CHEK2: variants seen among roughly 807,000 people sequenced by gnomAD.
The protein encoded by CHEK2 is checkpoint kinase 2.
A neutral mutation model predicts 69.1 loss-of-function variants in CHEK2; 71 were observed. The ratio of observed to expected loss-of-function variants is 1.03; its 90% CI spans 0.85 to 1.25. CHEK2 has a LOEUF of 1.25. CHEK2 is among the 50% of genes most tolerant of loss of function. CHEK2 has a pLI of 0.00. For missense variants in CHEK2, 664 were observed against 649.6 expected (o/e 1.02, Z -0.24); for synonymous variants, 189 against 226.9 (o/e 0.83, Z 1.50).
rs748262921 is a variant in CHEK2 at position 28,725,100 on chromosome 22, T to C, written c.469A>G (p.Ile157Val). 2.5e-6 allele frequency: 4 copies of C among 1,614,178 alleles called. No individual in the cohort carries two copies. The highest frequency in any genetic ancestry group is 2.2e-5 in the South Asian group (2 of 91,088). ...FREVGPKNSY[I>V]AYIEDHSGNG... Reference sequence around the variant, plus strand: ...CCACTGTGATCTTCTATGTATGCAATGTAAGAGTTTTTAGGACCCACTTCC... The same window carrying C: ...CCACTGTGATCTTCTATGTATGCAACGTAAGAGTTTTTAGGACCCACTTCC... Residue 157 changes from isoleucine to valine, a missense_variant, in exon 4 of 15, where the codon ATT becomes GTT. Transcript: ENST00000404276.
chr22:28,702,597 A>C (rs2052929400), intron 8 of CHEK2, among the ~76,000 whole-genome samples: 1 of 134,292 alleles, frequency 7.4e-6, no homozygotes, highest in Non-Finnish European at 1.5e-5. Context: ...CCCAGGCTGG[A>C]GTACAGTGGC....
At chr22:28,698,843 C>A (rs2052700365) in intron 9 of CHEK2, among the ~76,000 whole-genome samples, 1 of 152,100 alleles carries the variant, frequency 6.6e-6, no homozygotes, top group Non-Finnish European at 1.5e-5. Context: ...GGGGACCAAC[C>A]CATCTGTCAC....
intron 5 of CHEK2, among the ~76,000 whole-genome samples, chr22:28,718,883 AAC>A (rs144577000): frequency 0.19 from 26,381 of 140,284 alleles, 2,638 homozygotes; most frequent in African/African-American, 0.28. Context: ...CTCTGACACT[AAC>A]ACACACACAC....
At chr22:28,705,940 T>C (rs2053116175) in intron 7 of CHEK2, among the ~76,000 whole-genome samples, 1 of 125,112 alleles carries the variant, frequency 8.0e-6, no homozygotes, top group Non-Finnish European at 1.7e-5. Flanking sequence ...TGAAACTCCG[T>C]CTCAAAAAAC....
intron 5 of CHEK2, among the ~76,000 whole-genome samples, chr22:28,718,746 G>A: frequency 6.6e-6 from 1 of 151,744 alleles, no homozygotes; most frequent in Admixed American, 6.6e-5. Context: ...GCCAGGCACG[G>A]TGGTTCAAGC....
intron 9 of CHEK2, among the ~76,000 whole-genome samples, chr22:28,698,902 C>G (rs2145832975): frequency 6.6e-6 from 1 of 152,234 alleles, no homozygotes; most frequent in Non-Finnish European, 1.5e-5. Flanking sequence ...AGCTCCCACT[C>G]TGAGTTAAGA....
chr22:28,692,497 A>T (rs1006381995), intron 13 of CHEK2, among the ~76,000 whole-genome samples: 2 of 128,760 alleles, frequency 1.6e-5, no homozygotes, highest in African/African-American at 5.9e-5. Flanking sequence ...GTTTGTTTTA[A>T]GTTTTTGTTG....
intron 1 of CHEK2, among the ~76,000 whole-genome samples, chr22:28,740,871 A>C (rs2054534491): frequency 6.6e-6 from 1 of 152,134 alleles, no homozygotes; most frequent in South Asian, 2.1e-4. Context: ...AAAATTGAAA[A>C]TAGGCCGGGC....
chr22:28,709,162 T>A (rs2053293083), intron 7 of CHEK2, among the ~76,000 whole-genome samples: 1 of 152,140 alleles, frequency 6.6e-6, no homozygotes, highest in Non-Finnish European at 1.5e-5. Context: ...CTTCTCACTT[T>A]TTAAAAGTGA....
intron 2 of CHEK2, chr22:28,727,841 A>G (rs1323428278): frequency 6.6e-6 from 1 of 152,350 alleles, no homozygotes; most frequent in East Asian, 1.9e-4. Context: ...CAAAAATCCA[A>G]AAGTTTCATA....
chr22:28,708,835 C>A, intron 7 of CHEK2: 1 of 240,818 alleles, frequency 4.2e-6, no homozygotes, highest in Non-Finnish European at 8.3e-6. Flanking sequence ...TGGTGGTGTG[C>A]CCAGCTACTC....
intron 7 of CHEK2, among the ~76,000 whole-genome samples, chr22:28,705,774 A>C (rs2053102607): frequency 6.6e-6 from 1 of 151,788 alleles, no homozygotes; most frequent in Non-Finnish European, 1.5e-5. Context: ...AAATACAAAA[A>C]AATTAGCTGG....
intron 2 of CHEK2, among the ~76,000 whole-genome samples, chr22:28,726,950 A>C (rs1303051341): frequency 6.6e-6 from 1 of 151,252 alleles, no homozygotes; most frequent in Non-Finnish European, 1.5e-5. Flanking sequence ...TTCTTCCCCA[A>C]CTACACAAAT....
At chr22:28,736,742 C>G (rs763644331) in intron 1 of CHEK2, among the ~76,000 whole-genome samples, 1 of 151,934 alleles carries the variant, frequency 6.6e-6, no homozygotes, top group African/African-American at 2.4e-5. Context: ...GAGTTCAATA[C>G]CAGCCTGGCC....
chr22:28,689,464 G>C, intron 13 of CHEK2: 1 of 456,996 alleles, frequency 2.2e-6, no homozygotes, highest in Non-Finnish European at 4.1e-6. Flanking sequence ...GCTCTCAGTG[G>C]GTCAATCACA....
At chr22:28,708,380 T>C (rs2053247788) in intron 7 of CHEK2, among the ~76,000 whole-genome samples, 1 of 151,046 alleles carries the variant, frequency 6.6e-6, no homozygotes, top group Admixed American at 6.6e-5. Flanking sequence ...TGTGTGTGTG[T>C]GTGTGTGTGT....
intron 7 of CHEK2, chr22:28,708,974 A>AAAAC: frequency 2.5e-6 from 1 of 406,586 alleles, no homozygotes; most frequent in Non-Finnish European, 4.8e-6. Context: ...AAAAAAAAAA[A>AAAAC]CAAACAAAAA....
intron 7 of CHEK2, 31 bp from the exon 8 acceptor site, chr22:28,703,597 A>C (rs539008188): frequency 1.5e-6 from 2 of 1,378,470 alleles, no homozygotes; most frequent in Non-Finnish European, 2.0e-6. Context: ...AAGGGAAAGT[A>C]GTGAGAAACT....
At chr22:28,732,108 A>T (rs945742432) in intron 2 of CHEK2, among the ~76,000 whole-genome samples, 10 of 149,270 alleles carry the variant, frequency 6.7e-5, no homozygotes, top group African/African-American at 2.2e-4. Context: ...CGCCCCGCAA[A>T]TTTTTTTTTC....
Sources: allele counts gnomAD v4.1 joint callset (sites outside exome capture counted in the v4.1 genomes callset), GRCh38; gene constraint gnomAD v4.1.1; transcripts MANE v1.5; gene names NCBI Gene and HGNC (gene_info 2026-07-23, HGNC 2026-07-21).